ACACA: variants seen among roughly 807,000 people sequenced by gnomAD.
The protein encoded by ACACA is acetyl-CoA carboxylase 1.
ACACA carries 103 observed loss-of-function variants against 296.1 expected under a neutral mutation model. That is an observed-to-expected ratio of 0.35 (90% CI 0.30 to 0.41). The LOEUF (loss-of-function observed/expected upper bound fraction) is 0.41. Among genes scored for constraint, ACACA ranks in the 10% least tolerant of loss-of-function variants. The pLI is 1.00. For missense variants in ACACA, 1,554 were observed against 2,989.7 expected (o/e 0.52, Z 11.20); for synonymous variants, 953 against 1,038.6 (o/e 0.92, Z 1.58).
intron 52 of ACACA, among the ~76,000 whole-genome samples, chr17:37,099,560 A>AGGGCTGAGGGAT (rs2073219284): frequency 1.2e-5 from 1 of 86,942 alleles, no homozygotes; most frequent in African/African-American, 6.0e-5. Context: ...GGCTGATGGC[A>AGGGCTGAGGGAT]GGAGGGCTGA....
At chr17:37,348,123 C>T (rs892388395) in intron 1 of ACACA, among the ~76,000 whole-genome samples, 6 of 151,176 alleles carry the variant, frequency 4.0e-5, no homozygotes, top group Non-Finnish European at 7.4e-5. Context: ...CAGTACCCAA[C>T]CTGGGTGACT....
intron 42 of ACACA, among the ~76,000 whole-genome samples, chr17:37,161,238 A>C (rs1406093809): frequency 2.6e-5 from 4 of 152,192 alleles, no homozygotes; most frequent in Non-Finnish European, 4.4e-5. Flanking sequence ...GGATTTTTTC[A>C]GAGAGAAGGG....
chr17:37,114,994 A>G (rs75438825), intron 50 of ACACA, among the ~76,000 whole-genome samples: 3,097 of 152,356 alleles, frequency 0.02, 103 homozygotes, highest in African/African-American at 0.07. Flanking sequence ...CAGTGAGCAC[A>G]GTTCACTGCA....
At chr17:37,392,294 C>T (rs1179695506) in intron 1 of ACACA, 3 of 152,824 alleles carry the variant, frequency 2.0e-5, no homozygotes, top group African/African-American at 2.4e-5. Flanking sequence ...GGTTCAGGGA[C>T]TACAGACCAT....
At chr17:37,234,932 A>G (rs1395433718) in intron 25 of ACACA, 43 bp downstream of exon 25, 3 of 1,611,036 alleles carry the variant, frequency 1.9e-6, no homozygotes, top group African/African-American at 2.7e-5. Flanking sequence ...TACTTTTTGC[A>G]TATCATTGAC....
intron 1 of ACACA, chr17:37,376,204 G>C: frequency 3.5e-6 from 5 of 1,448,090 alleles, no homozygotes; most frequent in Non-Finnish European, 4.8e-6. Context: ...GGCCTAGAAA[G>C]AGTTTCGGGG....
chr17:37,163,580 A>G (rs1304654220), intron 41 of ACACA, among the ~76,000 whole-genome samples: 4 of 152,210 alleles, frequency 2.6e-5, no homozygotes, highest in Non-Finnish European at 4.4e-5. Flanking sequence ...TTCATGATCC[A>G]GGCTCCTTGT....
chr17:37,280,933 A>G (rs1302715257), intron 5 of ACACA, among the ~76,000 whole-genome samples: 1 of 152,124 alleles, frequency 6.6e-6, no homozygotes, highest in Non-Finnish European at 1.5e-5. Flanking sequence ...CACTTGTGTC[A>G]TACCTTTATG....
In ACACA at chr17:37,252,090, T is replaced by C; in HGVS notation, c.1996A>G (p.Met666Val). The C allele has an allele frequency of 6.2e-7, 1 of 1,614,110 alleles. No homozygotes were observed. Residue 666 changes from methionine (M) to valine (V), a missense_variant, in exon 16 of 56, where the codon ATG (methionine) becomes GTG (valine). Coordinates refer to ENST00000616317, the MANE Select transcript of ACACA (RefSeq NM_198834.3). ...EKVQAERPDT[M>V]LGVVCGALHV... ...AGGGCACCACACACAACCCCCAACA[T>C]GGTGTCAGGTCGCTCAGCCTGAAAG...
At chr17:37,108,958 G>A (rs2073841558) in intron 52 of ACACA, among the ~76,000 whole-genome samples, 1 of 152,212 alleles carries the variant, frequency 6.6e-6, no homozygotes, top group Non-Finnish European at 1.5e-5. Flanking sequence ...CACAGAGAAT[G>A]AGAATTCCAT....
At chr17:37,270,641 C>T in intron 10 of ACACA, 110 bp downstream of exon 10, 2 of 864,830 alleles carry the variant, frequency 2.3e-6, no homozygotes, top group Non-Finnish European at 3.8e-6. Flanking sequence ...TAGCTATAGA[C>T]AAAATTAAAA....
In ACACA at chr17:37,272,326, G is replaced by C. The variant is rs28422855; in HGVS notation, c.1009-1465C>G. On this transcript the variant is annotated intron_variant, in intron 9 of 55. Transcript: ENST00000616317. ...TCACTGTACTCCAGCCTGGGCAACA[G>C]AGTGAGACTCCAACCCAAAAAAATA... Among the ~76,000 whole-genome samples, 733 of 152,276 alleles carry C rather than the reference G, an allele frequency of 4.8e-3. 6 individuals carry two copies. The highest frequency in any genetic ancestry group is 0.017 in the African/African-American group (700 of 41,544).
chr17:37,108,944 A>G (rs913655331), intron 52 of ACACA, among the ~76,000 whole-genome samples: 1 of 152,280 alleles, frequency 6.6e-6, no homozygotes, highest in Non-Finnish European at 1.5e-5. Context: ...TGAGAAAAGG[A>G]GAACACAGAG....
Position 37,327,186 on chromosome 17 carries a change from T to A in ACACA, c.338+2987A>T, listed in dbSNP as rs1287721015. Among the ~76,000 whole-genome samples the A allele has an allele frequency of 2.6e-5, 4 of 152,300 alleles. No homozygotes were observed. The South Asian group carries it at 6.2e-4, about 24-fold the overall frequency. On this transcript the variant is annotated intron_variant, in intron 3 of 55. Transcript: ENST00000616317. ...TGAGTTCCAGGAGTGAAAAGGAGCA[T>A]CTGAATCAATATCTTCATTTTTATA...
intron 3 of ACACA, among the ~76,000 whole-genome samples, chr17:37,302,035 C>T (rs774042842): frequency 2.2e-4 from 34 of 151,788 alleles, no homozygotes; most frequent in Admixed American, 7.9e-4. Context: ...GGCTGGAGTG[C>T]AGTGGCACGA....
intron 50 of ACACA, among the ~76,000 whole-genome samples, chr17:37,114,925 T>C (rs947609645): frequency 1.1e-4 from 16 of 152,228 alleles, no homozygotes; most frequent in Admixed American, 5.2e-4. Flanking sequence ...TCATTGTAGT[T>C]ACTGGCAAAT....
intron 50 of ACACA, among the ~76,000 whole-genome samples, chr17:37,114,587 C>T (rs2074149491): frequency 6.7e-6 from 1 of 149,800 alleles, no homozygotes; most frequent in South Asian, 2.1e-4. Context: ...AAGCCAGGAG[C>T]AGCCTGAAGA....
At chr17:37,343,810 C>A (rs1267106470) in intron 1 of ACACA, among the ~76,000 whole-genome samples, 1 of 151,292 alleles carries the variant, frequency 6.6e-6, no homozygotes, top group Non-Finnish European at 1.5e-5. Flanking sequence ...GTGAATTTGC[C>A]TTGTTCACTT....
At chr17:37,290,640 C>T (rs934348869) in intron 3 of ACACA, among the ~76,000 whole-genome samples, 2 of 152,128 alleles carry the variant, frequency 1.3e-5, no homozygotes, top group Non-Finnish European at 2.9e-5. Flanking sequence ...TACAATACTG[C>T]CTCAAGTTAA....
Sources: gnomAD v4.1 joint callset for allele counts (sites outside exome capture counted in the v4.1 genomes callset) on GRCh38, gnomAD v4.1.1 for gene constraint, MANE v1.5 for transcripts, NCBI Gene and HGNC (gene_info 2026-07-23, HGNC 2026-07-21) for gene names.